TOX3: variants seen among roughly 807,000 people sequenced by gnomAD.
The protein encoded by TOX3 is TOX high mobility group box family member 3.
Under a neutral mutation model 64.3 loss-of-function variants are expected in TOX3, and 22 were observed. The observed-to-expected ratio is 0.34, with a 90% CI of 0.24 to 0.49. The LOEUF (loss-of-function observed/expected upper bound fraction) is 0.49. Ranked by LOEUF, TOX3 falls within the 20% of genes least tolerant of loss-of-function variation. TOX3 has a pLI of 0.99. For synonymous variants in TOX3, 291 were observed against 273.6 expected (o/e 1.06, Z -0.63); for missense variants, 661 against 714.4 (o/e 0.93, Z 0.85).
chr16:52,442,054 T>A (rs775276623), intron 6 of TOX3, among the ~76,000 whole-genome samples: 1 of 152,210 alleles, frequency 6.6e-6, no homozygotes, highest in Non-Finnish European at 1.5e-5. Flanking sequence ...AAAGAAAGTC[T>A]GTATTTCAAC....
intron 1 of TOX3, among the ~76,000 whole-genome samples, chr16:52,471,140 T>TG (rs1287705302): frequency 1.3e-5 from 2 of 152,148 alleles, no homozygotes; most frequent in Non-Finnish European, 2.9e-5. Context: ...ATGCACTATT[T>TG]GGGGTATACT....
chr16:52,507,808 G>A (rs1228516126), intron 1 of TOX3, among the ~76,000 whole-genome samples: 1 of 152,120 alleles, frequency 6.6e-6, no homozygotes, highest in Admixed American at 6.5e-5. Context: ...ATTTTACTAA[G>A]CCTAATACTA....
chr16:52,444,499 GCACACACACACACA>G (rs200173557), intron 5 of TOX3, 143 bp from the exon 6 acceptor site: 3 of 380,774 alleles, frequency 7.9e-6, no homozygotes, highest in East Asian at 4.2e-5. Flanking sequence ...GTTAGCGCAT[GCACACACACACACA>G]CACACACACA....
intron 1 of TOX3, among the ~76,000 whole-genome samples, chr16:52,501,852 C>G (rs1962013303): frequency 6.6e-6 from 1 of 152,150 alleles, no homozygotes. Flanking sequence ...ACAACCATGT[C>G]AACAAGTAAA....
intron 1 of TOX3, among the ~76,000 whole-genome samples, chr16:52,500,819 ATGTGAAAAATATG>A (rs879874909): frequency 1.1e-4 from 16 of 152,340 alleles, no homozygotes; most frequent in Admixed American, 2.0e-4. Context: ...ACATGTTAAA[ATGTGAAAAATATG>A]TGTGCCTAAG....
chr16:52,483,594 A>G (rs1961425777), intron 1 of TOX3, among the ~76,000 whole-genome samples: 1 of 130,778 alleles, frequency 7.6e-6, no homozygotes, highest in East Asian at 2.3e-4. Context: ...TTTGAGACAG[A>G]GTCTTGCTCT....
intron 3 of TOX3, among the ~76,000 whole-genome samples, chr16:52,456,455 T>C (rs1036544013): frequency 7.2e-5 from 11 of 152,224 alleles, no homozygotes; most frequent in Non-Finnish European, 1.5e-4. Context: ...TATTGGCCTA[T>C]ATGATTCATG....
At chr16:52,443,063 C>A (rs1047979542) in intron 6 of TOX3, among the ~76,000 whole-genome samples, 1 of 152,132 alleles carries the variant, frequency 6.6e-6, no homozygotes, top group Non-Finnish European at 1.5e-5. Flanking sequence ...CTTTAATGCA[C>A]AAAATCACCT....
intron 1 of TOX3, among the ~76,000 whole-genome samples, chr16:52,533,158 G>A (rs1432112538): frequency 4.6e-5 from 7 of 152,122 alleles, no homozygotes; most frequent in African/African-American, 1.7e-4. Context: ...CAACAGAGTT[G>A]GACAAAAGTG....
intron 1 of TOX3, among the ~76,000 whole-genome samples, chr16:52,485,475 G>A (rs1005749030): frequency 6.6e-6 from 1 of 151,644 alleles, no homozygotes; most frequent in Admixed American, 6.6e-5. Context: ...CAGACACTGG[G>A]GACTCCAAAA....
chr16:52,537,703 T>A (rs1269375457), intron 1 of TOX3, among the ~76,000 whole-genome samples: 1 of 151,954 alleles, frequency 6.6e-6, no homozygotes, highest in Non-Finnish European at 1.5e-5. Context: ...TATGCCTACG[T>A]GGCTACGAGC....
chr16:52,480,536 A>G (rs1961342436), intron 1 of TOX3, among the ~76,000 whole-genome samples: 2 of 152,212 alleles, frequency 1.3e-5, no homozygotes, highest in Non-Finnish European at 1.5e-5. Context: ...AATGTAAAAA[A>G]GGAACAACAA....
At chr16:52,457,051 T>C (rs77137198) in intron 3 of TOX3, among the ~76,000 whole-genome samples, 2,175 of 152,320 alleles carry the variant, frequency 0.014, 34 homozygotes, top group African/African-American at 0.039. Context: ...TAGCAGGATA[T>C]GAGAAGAGAA....
intron 1 of TOX3, among the ~76,000 whole-genome samples, chr16:52,479,189 A>ATC (rs370790031): frequency 2.2e-4 from 34 of 152,162 alleles, no homozygotes; most frequent in African/African-American, 7.9e-4. Flanking sequence ...GATGTGTAGG[A>ATC]TCTCACCTGT....
intron 2 of TOX3, 96 bp from the exon 3 acceptor site, chr16:52,464,284 A>G (rs1458776929): frequency 7.8e-7 from 1 of 1,281,950 alleles, no homozygotes; most frequent in African/African-American, 1.5e-5. Context: ...AAAACACTAC[A>G]TACATATCTA....
At chr16:52,489,114 C>T (rs1370944115) in intron 1 of TOX3, among the ~76,000 whole-genome samples, 1 of 152,200 alleles carries the variant, frequency 6.6e-6, no homozygotes, top group East Asian at 1.9e-4. Context: ...ATTCTTCCAT[C>T]TGTGTTCTGA....
chr16:52,467,901 G>A (rs1225076137), intron 2 of TOX3, among the ~76,000 whole-genome samples: 1 of 152,150 alleles, frequency 6.6e-6, no homozygotes, highest in Non-Finnish European at 1.5e-5. Context: ...AGTTTCCCCA[G>A]CTGTGACCAA....
At chr16:52,444,572 G>A in intron 5 of TOX3, 1 of 389,464 alleles carries the variant, frequency 2.6e-6, no homozygotes. Context: ...CACCCTCACT[G>A]GAGCACAATT....
intron 1 of TOX3, among the ~76,000 whole-genome samples, chr16:52,485,141 G>GTA (rs1210378119): frequency 2.0e-4 from 21 of 106,448 alleles, no homozygotes; most frequent in Admixed American, 5.5e-4. Context: ...ACATATGTGT[G>GTA]TATATGTGTG....
Sources: gnomAD v4.1 joint callset for allele counts (sites outside exome capture counted in the v4.1 genomes callset) on GRCh38, gnomAD v4.1.1 for gene constraint, MANE v1.5 for transcripts, NCBI Gene and HGNC (gene_info 2026-07-23, HGNC 2026-07-21) for gene names.